The following COL24A1 variants were observed in gnomAD, a reference collection of about 807,000 sequenced individuals.
COL24A1 encodes collagen alpha-1(XXIV) chain.
COL24A1 carries 224 observed loss-of-function variants against 253.9 expected under a neutral mutation model. The ratio of observed to expected loss-of-function variants is 0.88; its 90% confidence interval spans 0.79 to 0.99. The LOEUF (loss-of-function observed/expected upper bound fraction) is 0.99, where lower values mean the gene tolerates loss of function less well. Among genes scored for constraint, COL24A1 ranks in the 50% least tolerant of loss-of-function variants. COL24A1 has a pLI of 0.00. For missense variants in COL24A1, 2,131 were observed against 2,068.5 expected, an observed-to-expected ratio of 1.03 and a Z score of -0.59; for synonymous variants, 685 against 673.7, an observed-to-expected ratio of 1.02 and a Z score of -0.26.
rs568085561 is a variant in COL24A1, at chr1:86,022,833, C to A, written c.2148G>T (p.Lys716Asn). 4 of 1,546,246 alleles carry A rather than the reference C, an allele frequency of 2.6e-6. No homozygotes were observed. The South Asian group carries it at 5.1e-5, about 20-fold the overall frequency. Residue 716 changes from lysine (K) to asparagine (N), a missense_variant and splice_region_variant, in exon 16 of 60, where the codon AAG becomes AAT. By Grantham distance (94) the Lys-to-Asn change is moderately conservative (BLOSUM62 0). Transcript: ENST00000370571. ...TTTATAATATTAATATTTAAATCAC[C>A]TTATCACCTTTGATTCCAGGTAGTC... ...NKGLPGIKGD[K>N]GEQGTAGELG... is the part of the protein sequence containing the mutation.
At chr1:85,771,031 A>C (rs1302387431) in intron 53 of COL24A1, among the ~76,000 whole-genome samples, 1 of 152,222 alleles carries the variant, frequency 6.6e-6, no homozygotes, top group Non-Finnish European at 1.5e-5. Context: ...TGATCCGGGA[A>C]GAAGTGATTG....
rs567629077 is a variant in COL24A1, at chr1:86,125,769, C to A, written c.567G>T (p.Glu189Asp). The part of the protein sequence containing the change: ...VECGKKYFST[E>D]TIPEVQTFDS... ...CAAAGGTCTGAACTTCTGGAATAGT[C>A]TCTGTGCTAAAATATTTCTTTCCAC... Residue 189 changes from glutamate (E) to aspartate (D), a missense_variant, in exon 3 of 60, where the codon GAG becomes GAT. Physicochemically the swap from Glu to Asp is conservative, Grantham distance 45. Coordinates refer to ENST00000370571, the MANE Select transcript of COL24A1 (RefSeq NM_152890.7). 2.5e-6 allele frequency: 4 copies of A among 1,612,276 alleles called. No individual in the cohort carries two copies. In the African/African-American group the frequency reaches 5.3e-5, roughly 22 times the overall value.
At chr1:85,982,700 C>T (rs12075107) in intron 20 of COL24A1, among the ~76,000 whole-genome samples, 177 of 152,064 alleles carry the variant, frequency 1.2e-3, no homozygotes, top group African/African-American at 4.0e-3. Context: ...AGTTATTGTG[C>T]TTTTTACCTT....
chr1:85,900,421 T>C (rs1453636504), intron 28 of COL24A1, among the ~76,000 whole-genome samples: 2 of 152,040 alleles, frequency 1.3e-5, no homozygotes, highest in Non-Finnish European at 2.9e-5. Flanking sequence ...GGAGGATCAC[T>C]TGAGCCCAGG....
At chr1:86,090,931 A>T (rs771609842) in intron 6 of COL24A1, among the ~76,000 whole-genome samples, 108 of 152,278 alleles carry the variant, frequency 7.1e-4, no homozygotes, top group Non-Finnish European at 1.3e-3. Flanking sequence ...AGGGAAAGAT[A>T]AAACCAAGCA....
chr1:86,050,264 T>G, intron 10 of COL24A1, 87 bp from the exon 11 acceptor site: 1 of 1,128,266 alleles, frequency 8.9e-7, no homozygotes, highest in Non-Finnish European at 1.3e-6. Context: ...AAAATTTTAT[T>G]TGTAGTAGTA....
intron 17 of COL24A1, 38 bp from the exon 18 acceptor site, chr1:86,022,331 C>T: frequency 2.6e-6 from 4 of 1,552,284 alleles, no homozygotes; most frequent in Non-Finnish European, 3.6e-6. Context: ...AGTTATTATA[C>T]CACAAAAGGC....
At chr1:86,112,731 G>T in intron 4 of COL24A1, 111 bp from the exon 5 acceptor site, 1 of 982,586 alleles carries the variant, frequency 1.0e-6, no homozygotes, top group Non-Finnish European at 1.5e-6. Flanking sequence ...TTGAGTTTTT[G>T]CTTATGTTAT....
intron 32 of COL24A1, among the ~76,000 whole-genome samples, chr1:85,883,182 A>ATTT (rs1337686484): frequency 4.1e-5 from 6 of 147,422 alleles, no homozygotes; most frequent in African/African-American, 1.5e-4. Flanking sequence ...TCTTCTTTTT[A>ATTT]ATGTTTTTGG....
intron 1 of COL24A1, 32 bp downstream of exon 1, chr1:86,156,309 C>T (rs1999747): frequency 6.2e-7 from 1 of 1,601,648 alleles, no homozygotes; most frequent in African/African-American, 1.3e-5. Context: ...GTTGGTCTAA[C>T]CCCTACCCTA....
chr1:86,054,227 C>G (rs1472130185), intron 10 of COL24A1, among the ~76,000 whole-genome samples: 3 of 151,978 alleles, frequency 2.0e-5, no homozygotes, highest in Non-Finnish European at 4.4e-5. Context: ...CTTCTGGACA[C>G]CGGCCTAGGC....
At chr1:86,084,625 AAC>A (rs1330201392) in intron 7 of COL24A1, among the ~76,000 whole-genome samples, 5 of 152,228 alleles carry the variant, frequency 3.3e-5, no homozygotes, top group Non-Finnish European at 5.9e-5. Context: ...TTATTCTAAG[AAC>A]ACAGAAATAT....
At chr1:85,835,350 T>A (rs1675883792) in intron 43 of COL24A1, among the ~76,000 whole-genome samples, 4 of 152,132 alleles carry the variant, frequency 2.6e-5, no homozygotes, top group Admixed American at 1.3e-4. Context: ...CAGGATGGTC[T>A]CGATCTCCTG....
At chr1:85,759,075 T>C (rs1666574445) in intron 55 of COL24A1, among the ~76,000 whole-genome samples, 1 of 152,152 alleles carries the variant, frequency 6.6e-6, no homozygotes, top group African/African-American at 2.4e-5. Context: ...CGCTGACCAA[T>C]GAATCCCAAC....
At chr1:85,892,710 T>C (rs1379079349) in intron 31 of COL24A1, among the ~76,000 whole-genome samples, 1 of 152,060 alleles carries the variant, frequency 6.6e-6, no homozygotes, top group Admixed American at 6.5e-5. Context: ...AAAATAATTA[T>C]AGCATAAAAA....
chr1:85,888,390 C>A (rs906211279), intron 32 of COL24A1, among the ~76,000 whole-genome samples: 2 of 152,096 alleles, frequency 1.3e-5, no homozygotes, highest in African/African-American at 4.8e-5. Context: ...CCTCATAAAT[C>A]TATGAGTGTT....
intron 35 of COL24A1, among the ~76,000 whole-genome samples, chr1:85,870,251 G>A (rs1353967711): frequency 4.6e-5 from 7 of 152,150 alleles, no homozygotes; most frequent in Non-Finnish European, 8.8e-5. Flanking sequence ...AATAATGGGA[G>A]ACTTTAACAC....
chr1:85,858,924 G>T (rs563895083), intron 37 of COL24A1, among the ~76,000 whole-genome samples: 2 of 151,894 alleles, frequency 1.3e-5, no homozygotes, highest in African/African-American at 4.8e-5. Context: ...TTTTGGTAGC[G>T]ATGGGGGTTC....
intron 43 of COL24A1, among the ~76,000 whole-genome samples, chr1:85,834,380 C>A (rs1336516583): frequency 6.6e-6 from 1 of 152,048 alleles, no homozygotes; most frequent in Non-Finnish European, 1.5e-5. Flanking sequence ...GTTTAGACAT[C>A]TGAATGGCTG....
Sources: allele counts gnomAD v4.1 joint callset (sites outside exome capture counted in the v4.1 genomes callset), GRCh38; gene constraint gnomAD v4.1.1; transcripts MANE v1.5; gene names NCBI Gene and HGNC (gene_info 2026-07-23, HGNC 2026-07-21).